The following SLC9C2 variants were observed in gnomAD, a reference collection of about 807,000 sequenced individuals.
SLC9C2 encodes the protein sodium/hydrogen exchanger 11.
SLC9C2 carries 75 observed loss-of-function variants against 140.2 expected under a neutral mutation model. The ratio of observed to expected loss-of-function variants is 0.53; its 90% confidence interval spans 0.44 to 0.65. SLC9C2 has a LOEUF of 0.65. Among genes scored for constraint, SLC9C2 ranks in the 30% least tolerant of loss-of-function variants. The probability of loss-of-function intolerance (pLI) is 0.00; values close to 1 mark genes in which losing one functional copy is unlikely to be tolerated. For missense variants in SLC9C2, 1,074 were observed against 1,331.8 expected, an observed-to-expected ratio of 0.81 and a Z score of 3.01; for synonymous variants, 375 against 420.9, an observed-to-expected ratio of 0.89 and a Z score of 1.34.
chr1:173,510,698 G>T (rs571302390), intron 23 of SLC9C2, among the ~76,000 whole-genome samples: 12 of 152,296 alleles, frequency 7.9e-5, no homozygotes, highest in African/African-American at 2.6e-4. Context: ...GTATTCCATG[G>T]TGTGTATGTA....
chr1:173,601,333 C>T (rs1052895653), intron 2 of SLC9C2, among the ~76,000 whole-genome samples: 2 of 152,146 alleles, frequency 1.3e-5, no homozygotes, highest in African/African-American at 2.4e-5. Context: ...AGAATCTTGA[C>T]GACAACTTTA....
At chr1:173,535,223 CCT>C (rs1661856763) in intron 15 of SLC9C2, among the ~76,000 whole-genome samples, 1 of 151,982 alleles carries the variant, frequency 6.6e-6, no homozygotes, top group South Asian at 2.1e-4. Context: ...AGGTTAATGA[CCT>C]CTTAAAATTT....
chr1:173,504,811 TG>T (rs1379496163), intron 26 of SLC9C2, among the ~76,000 whole-genome samples: 1 of 152,214 alleles, frequency 6.6e-6, no homozygotes, highest in Non-Finnish European at 1.5e-5. Context: ...TCATTTGACT[TG>T]TAGCTGTGAC....
At chr1:173,508,890 G>A (rs779028269) in intron 24 of SLC9C2, among the ~76,000 whole-genome samples, 7 of 152,192 alleles carry the variant, frequency 4.6e-5, no homozygotes, top group Non-Finnish European at 1.0e-4. Flanking sequence ...TGAAAAGGCA[G>A]GAGATTTACA....
intron 22 of SLC9C2, among the ~76,000 whole-genome samples, chr1:173,520,872 A>G (rs1660760389): frequency 6.6e-6 from 1 of 152,170 alleles, no homozygotes; most frequent in Admixed American, 6.5e-5. Flanking sequence ...TGCAGATACA[A>G]AGGATTCTTG....
chr1:173,507,057 A>AT lies in SLC9C2; in HGVS notation c.3040-17dup. ...ACCTTAAGTCCTATAATAAAATTGC[A>AT]TTTTAGAAAATAAGTCATACAAACT... is the stretch of plus-strand genomic sequence containing the variant. On this transcript the variant is annotated splice_polypyrimidine_tract_variant and intron_variant, in intron 24 of 27. Coordinates refer to ENST00000367714, the MANE Select transcript of SLC9C2 (RefSeq NM_178527.4). The AT allele has an allele frequency of 6.5e-7, 1 of 1,529,438 alleles. No individual in the cohort carries two copies. The highest frequency in any genetic ancestry group is 1.3e-5 in the South Asian group (1 of 77,532). 94.7% of individuals were successfully genotyped at this position (1,529,438 alleles called of 1,614,324 possible). A position where few individuals can be genotyped will look rare whatever the true frequency, so the allele number is the denominator to read the frequency against.
chr1:173,561,883 ACACC>A (rs1440592494), intron 9 of SLC9C2, among the ~76,000 whole-genome samples: 23 of 150,318 alleles, frequency 1.5e-4, no homozygotes, highest in East Asian at 9.8e-4. Context: ...ACACACACAC[ACACC>A]CCCAACTGTA....
intron 22 of SLC9C2, 122 bp from the exon 23 acceptor site, chr1:173,517,826 G>T: frequency 1.2e-6 from 1 of 803,204 alleles, no homozygotes; most frequent in Non-Finnish European, 1.8e-6. Context: ...CCTGTCAGGT[G>T]TGAAAGAAGA....
At chr1:173,581,680 T>C (rs1334496717) in intron 7 of SLC9C2, among the ~76,000 whole-genome samples, 167 bp downstream of exon 7, 1 of 149,542 alleles carries the variant, frequency 6.7e-6, no homozygotes, top group Non-Finnish European at 1.5e-5. Context: ...ATAAAAAGGA[T>C]ATTAAGAAAG....
At chr1:173,531,129 G>A (rs755133609) in intron 17 of SLC9C2, among the ~76,000 whole-genome samples, 25 of 152,250 alleles carry the variant, frequency 1.6e-4, no homozygotes, top group Non-Finnish European at 3.2e-4. Context: ...TTACATAGTG[G>A]TGAAATCTAC....
At chr1:173,598,248 G>C (rs1666555038) in intron 3 of SLC9C2, among the ~76,000 whole-genome samples, 1 of 152,106 alleles carries the variant, frequency 6.6e-6, no homozygotes, top group Non-Finnish European at 1.5e-5. Context: ...CCAGATAATT[G>C]AGTGGTTTTG....
chr1:173,550,757 A>T (rs568773284), intron 11 of SLC9C2, among the ~76,000 whole-genome samples: 391 of 150,542 alleles, frequency 2.6e-3, no homozygotes, highest in Admixed American at 4.0e-3. Context: ...TTTTTTTTTT[A>T]AATGAAGAAG....
intron 9 of SLC9C2, among the ~76,000 whole-genome samples, chr1:173,568,998 T>C (rs893963365): frequency 6.6e-6 from 1 of 152,214 alleles, no homozygotes; most frequent in Non-Finnish European, 1.5e-5. Context: ...AGGTCTGATG[T>C]TGATGAAATC....
intron 9 of SLC9C2, among the ~76,000 whole-genome samples, chr1:173,565,807 C>T (rs779013669): frequency 6.6e-6 from 1 of 152,130 alleles, no homozygotes; most frequent in Non-Finnish European, 1.5e-5. Context: ...ATAGTATGGA[C>T]ATTTTAACAA....
intron 1 of SLC9C2, 94 bp downstream of exon 1, chr1:173,602,657 A>G (rs1366837225): frequency 2.0e-5 from 3 of 152,124 alleles, no homozygotes; most frequent in African/African-American, 4.8e-5. Flanking sequence ...TGGTCCTGAG[A>G]AAGATTTGTT....
chr1:173,517,848 G>A (rs1485344586), intron 22 of SLC9C2, 144 bp from the exon 23 acceptor site: 1 of 651,750 alleles, frequency 1.5e-6, no homozygotes, highest in Non-Finnish European at 2.3e-6. Flanking sequence ...TTAGGCTTAA[G>A]AAAAAAAAAT....
chr1:173,524,194 G>A (rs1661032423), intron 20 of SLC9C2, 100 bp from the exon 21 acceptor site: 1 of 1,133,688 alleles, frequency 8.8e-7, no homozygotes. Context: ...TGTTAGGCAA[G>A]TTTAACCTTG....
chr1:173,526,775 A>G, intron 18 of SLC9C2, 61 bp from the exon 19 acceptor site: 2 of 1,174,710 alleles, frequency 1.7e-6, no homozygotes, highest in Non-Finnish European at 2.4e-6. Context: ...GTAAGAAATT[A>G]AGAAAAACAT....
intron 16 of SLC9C2, 38 bp downstream of exon 16, chr1:173,534,446 G>A: frequency 6.7e-7 from 1 of 1,500,976 alleles, no homozygotes. Context: ...TACCTGAATT[G>A]CTCTTTTTAT....
Sources: gnomAD v4.1 joint callset for allele counts (sites outside exome capture counted in the v4.1 genomes callset) on GRCh38, gnomAD v4.1.1 for gene constraint, MANE v1.5 for transcripts, NCBI Gene and HGNC (gene_info 2026-07-23, HGNC 2026-07-21) for gene names.